Variants in SGPP2 observed in about 807,000 individuals in gnomAD.
SGPP2 encodes sphingosine-1-phosphate phosphatase 2.
A neutral mutation model predicts 33.9 loss-of-function variants in SGPP2; 30 were observed. The ratio of observed to expected loss-of-function variants is 0.89; its 90% CI spans 0.66 to 1.20. The LOEUF is 1.20. Among genes scored for constraint, SGPP2 ranks in the 50% most tolerant of loss-of-function variants. The pLI, the probability that SGPP2 is intolerant of heterozygous loss-of-function variation, is 0.00. For missense variants in SGPP2, 458 were observed against 532.1 expected, an observed-to-expected ratio of 0.86 and a Z score of 1.37; for synonymous variants, 233 against 225.0, an observed-to-expected ratio of 1.04 and a Z score of -0.32.
chr2:222,447,685 A>G (rs181150035), intron 1 of SGPP2, among the ~76,000 whole-genome samples: 46 of 152,326 alleles, frequency 3.0e-4, no homozygotes, highest in African/African-American at 1.1e-3. Context: ...TGCATTTTAC[A>G]TAGATGGTTT....
At chr2:222,483,484 A>G (rs1698060379) in intron 2 of SGPP2, among the ~76,000 whole-genome samples, 1 of 152,182 alleles carries the variant, frequency 6.6e-6, no homozygotes, top group Non-Finnish European at 1.5e-5. Flanking sequence ...GCAGCTAGCT[A>G]GCTGATACTT....
At chr2:222,471,198 C>T (rs754352798) in intron 1 of SGPP2, among the ~76,000 whole-genome samples, 17 of 152,158 alleles carry the variant, frequency 1.1e-4, no homozygotes, top group Non-Finnish European at 2.1e-4. Context: ...TAGTCCTGTG[C>T]ACTGCTCGGC....
intron 4 of SGPP2, among the ~76,000 whole-genome samples, chr2:222,532,583 C>G (rs1485369533): frequency 6.6e-6 from 1 of 152,186 alleles, no homozygotes; most frequent in Non-Finnish European, 1.5e-5. Context: ...GACACCCAAG[C>G]AAGAAACATG....
intron 1 of SGPP2, among the ~76,000 whole-genome samples, chr2:222,434,293 T>G (rs1227084928): frequency 2.6e-5 from 4 of 152,220 alleles, no homozygotes; most frequent in Admixed American, 6.5e-5. Flanking sequence ...ATTTTTAATT[T>G]TATAATTGAC....
intron 1 of SGPP2, among the ~76,000 whole-genome samples, chr2:222,471,316 G>A (rs755058978): frequency 2.6e-5 from 4 of 152,112 alleles, no homozygotes; most frequent in Non-Finnish European, 5.9e-5. Flanking sequence ...AGGTAGAGCT[G>A]CTGGAACAAA....
chr2:222,452,573 C>G, intron 1 of SGPP2: 1 of 1,215,982 alleles, frequency 8.2e-7, no homozygotes, highest in Non-Finnish European at 1.2e-6. Flanking sequence ...GTAGAGATTC[C>G]TCTCCACAGT....
At chr2:222,504,935 T>G (rs1344659985) in intron 2 of SGPP2, 7 of 152,106 alleles carry the variant, frequency 4.6e-5, no homozygotes, top group African/African-American at 1.7e-4. Flanking sequence ...AATACGAAAA[T>G]GAAAGCAATA....
chr2:222,508,123 G>C (rs1033227005), intron 2 of SGPP2, among the ~76,000 whole-genome samples: 2 of 152,222 alleles, frequency 1.3e-5, no homozygotes, highest in African/African-American at 4.8e-5. Context: ...GTAGGGATAA[G>C]CAATTTTCTC....
chr2:222,450,196 C>T (rs1182476361), intron 1 of SGPP2, among the ~76,000 whole-genome samples: 2 of 152,182 alleles, frequency 1.3e-5, no homozygotes, highest in Non-Finnish European at 2.9e-5. Flanking sequence ...TCCAGCACCC[C>T]ACGTTATTTA....
intron 4 of SGPP2, among the ~76,000 whole-genome samples, chr2:222,541,352 T>C (rs559476031): frequency 6.6e-6 from 1 of 152,286 alleles, no homozygotes. Flanking sequence ...TCTCAAGACA[T>C]GCTGTTTTAT....
At chr2:222,515,288 C>G (rs959817236) in intron 2 of SGPP2, among the ~76,000 whole-genome samples, 4 of 152,150 alleles carry the variant, frequency 2.6e-5, no homozygotes, top group African/African-American at 9.7e-5. Context: ...CAGGTCCTCC[C>G]CAAACATCTG....
rs1253683394 is a variant in SGPP2, at chr2:222,478,000, T to C, written c.378+3274T>C. Among the ~76,000 whole-genome samples the C allele has an allele frequency of 6.6e-6, 1 of 152,182 alleles. No homozygotes were observed. The highest frequency in any genetic ancestry group is 1.5e-5 in the Non-Finnish European group (1 of 68,026). ...TACTTGACTTTTTAAAATCGGTGCA[T>C]GGCCTGGTTCACCAGTCCCCCTGTG... On this transcript the variant is annotated intron_variant, in intron 2 of 4. Transcript: ENST00000321276. The surrounding 1 kb of genome is among the most constrained non-coding windows in gnomAD (Gnocchi z 6.0).
intron 1 of SGPP2, among the ~76,000 whole-genome samples, chr2:222,435,313 T>C (rs1697223398): frequency 6.6e-6 from 1 of 152,152 alleles, no homozygotes; most frequent in South Asian, 2.1e-4. Context: ...CTAGCTGAGG[T>C]GGCAGCTGAT....
At chr2:222,475,990 T>C (rs905044492) in intron 2 of SGPP2, among the ~76,000 whole-genome samples, 1 of 152,176 alleles carries the variant, frequency 6.6e-6, no homozygotes, top group Admixed American at 6.5e-5. Context: ...TATTTGAGCA[T>C]GATAACGCAT....
In SGPP2 at chr2:222,476,488, C is replaced by A. The variant is rs1418216647; in HGVS notation, c.378+1762C>A. Reference sequence around the variant, plus strand: ...TGAGAGTCTGCAAAAGCATAGGCATCTTGCAAATCATAAAGAGAACGTTAG... The same window carrying A: ...TGAGAGTCTGCAAAAGCATAGGCATATTGCAAATCATAAAGAGAACGTTAG... On this transcript the variant is annotated intron_variant, in intron 2 of 4. Coordinates refer to ENST00000321276, the MANE Select transcript of SGPP2 (RefSeq NM_152386.4). This position sits in a 1 kb window ranked among gnomAD's most constrained non-coding sequence, Gnocchi z 4.3. Among the ~76,000 whole-genome samples, 1 of 152,074 alleles carries A rather than the reference C, an allele frequency of 6.6e-6. No homozygotes were observed. The highest frequency in any genetic ancestry group is 2.4e-5 in the African/African-American group (1 of 41,402).
At chr2:222,450,917 T>C (rs1574837128) in intron 1 of SGPP2, among the ~76,000 whole-genome samples, 1 of 152,356 alleles carries the variant, frequency 6.6e-6, no homozygotes, top group East Asian at 1.9e-4. Flanking sequence ...AATGGGTTTC[T>C]TTTTATTTTC....
intron 4 of SGPP2, among the ~76,000 whole-genome samples, chr2:222,528,433 T>TA (rs567651232): frequency 1.3e-5 from 2 of 151,354 alleles, no homozygotes; most frequent in Non-Finnish European, 2.9e-5. Flanking sequence ...ACATTATGTC[T>TA]AAAAAAAAGC....
Position 222,562,159 on chromosome 2 carries a change from G to A in SGPP2, c.*3261G>A, listed in dbSNP as rs1465460041. The stretch of plus-strand genomic sequence containing the variant: ...GGAACTGTGACACCAAAGCCCCCAG[G>A]ACTATCTGCCTCTCCAGGAGCCAGA... On this transcript the variant is annotated 3_prime_UTR_variant, in exon 5 of 5. Coordinates refer to ENST00000321276, the MANE Select transcript of SGPP2 (RefSeq NM_152386.4). Among the ~76,000 whole-genome samples, 1 of 152,110 alleles carries A rather than the reference G, an allele frequency of 6.6e-6. No homozygotes were observed. The highest frequency in any genetic ancestry group is 1.5e-5 in the Non-Finnish European group (1 of 68,026).
intron 1 of SGPP2, among the ~76,000 whole-genome samples, chr2:222,473,924 C>CAAAATAAAAAA (rs1697889065): frequency 7.8e-6 from 1 of 127,418 alleles, no homozygotes; most frequent in East Asian, 2.4e-4. Context: ...AACTCTGTCT[C>CAAAATAAAAAA]AAAAAAAAAA....
Sources: gnomAD v4.1 joint callset for allele counts (sites outside exome capture counted in the v4.1 genomes callset) on GRCh38, gnomAD v4.1.1 for gene constraint, Gnocchi (gnomAD v3.1) non-coding constraint, MANE v1.5 for transcripts, NCBI Gene and HGNC (gene_info 2026-07-23, HGNC 2026-07-21) for gene names.